Variants in MEIOB observed in about 807,000 individuals in gnomAD.
MEIOB encodes meiosis-specific with OB domain-containing protein.
A neutral mutation model predicts 53.1 loss-of-function variants in MEIOB; 50 were observed. The observed-to-expected ratio is 0.94, with a 90% CI of 0.75 to 1.19. MEIOB has a LOEUF of 1.19. Ranked by LOEUF, MEIOB falls within the 50% of genes most tolerant of loss-of-function variation. The pLI is 0.00. For missense variants in MEIOB, 551 were observed against 550.8 expected, an observed-to-expected ratio of 1.00 and a Z score of 0.00; for synonymous variants, 192 against 182.5, an observed-to-expected ratio of 1.05 and a Z score of -0.42.
chr16:1,847,178 T>G (rs1243671201), intron 9 of MEIOB, among the ~76,000 whole-genome samples: 4 of 150,216 alleles, frequency 2.7e-5, no homozygotes, highest in African/African-American at 7.4e-5. Flanking sequence ...AAGCTATTTT[T>G]GGGCCGGGCG....
rs374490794 is a variant in MEIOB at position 1,857,818 on chromosome 16, C to A, written c.445G>T (p.Asp149Tyr). ...ACAATGTCACCCAGTGAATAATAAT[C>A]ATGAGACTCTTTAACAGGTAAATGT... ...LIHLPVKESHDYYSLGDIVAN... is the reference protein window; with the variant it reads ...LIHLPVKESHYYYSLGDIVAN... The change falls in exon 6 of 14, where the codon GAT becomes TAT. Residue 149 changes from aspartate (D) to tyrosine (Y), a missense_variant. Asp to Tyr is a radical substitution (Grantham distance 160). Transcript: ENST00000325962. 28 of 1,551,732 alleles carry A rather than the reference C, an allele frequency of 1.8e-5. No individual in the cohort carries two copies. The highest frequency in any genetic ancestry group is 2.4e-5 in the Non-Finnish European group (27 of 1,146,852).
In MEIOB at chr16:1,838,209, A is replaced by G. The variant is rs1596962421; in HGVS notation, c.1219-339T>C. The G allele has an allele frequency of 6.8e-6, 3 of 439,570 alleles. No homozygotes were observed. The East Asian group carries it at 9.9e-5, about 15-fold the overall frequency. 27.2% of individuals were successfully genotyped at this position (439,570 alleles called of 1,614,324 possible). On this transcript the variant is annotated intron_variant, in intron 12 of 13. Transcript: ENST00000325962. Reference sequence around the variant, plus strand: ...GAGACAGGGTCTCACTATGTTGCCCAGGGTGATCTTGAACTCCTGGCCTCA... The same window carrying G: ...GAGACAGGGTCTCACTATGTTGCCCGGGGTGATCTTGAACTCCTGGCCTCA...
chr16:1,834,358 T>C lies in MEIOB; in HGVS notation c.1314A>G (p.Leu438=). The change falls in exon 14 of 14, where the codon CTA becomes CTG. Residue 438 remains leucine, a synonymous_variant. Coordinates refer to ENST00000325962, the MANE Select transcript of MEIOB (RefSeq NM_001163560.3). ...TCAATCCACTCCTTGCTCTGTGTGA[T>C]AGAACGAACTGCGAGGAGAAACAGA... The part of the protein sequence containing the change: ...ERSKIYLKFV[L]SHRARSGLKI... 3 of 1,578,682 alleles carry C rather than the reference T, an allele frequency of 1.9e-6. No individual in the cohort carries two copies. The highest frequency in any genetic ancestry group is 2.2e-5 in the East Asian group (1 of 44,678).
chr16:1,856,178 C>T (rs1484425900), intron 6 of MEIOB, among the ~76,000 whole-genome samples: 1 of 134,488 alleles, frequency 7.4e-6, no homozygotes, highest in African/African-American at 2.8e-5. Flanking sequence ...TTTTTTGAGA[C>T]GGAGTCTCGT....
chr16:1,867,886 A>G (rs1198071588), intron 2 of MEIOB, among the ~76,000 whole-genome samples: 1 of 137,904 alleles, frequency 7.3e-6, no homozygotes, highest in East Asian at 2.1e-4. Flanking sequence ...TCAAATCTAC[A>G]ATCATATCTT....
Position 1,839,310 on chromosome 16 carries a change from G to T in MEIOB, c.1163C>A (p.Thr388Asn). 1 of 1,614,180 alleles carries T rather than the reference G, an allele frequency of 6.2e-7. No individual in the cohort carries two copies. The highest frequency in any genetic ancestry group is 8.5e-7 in the Non-Finnish European group (1 of 1,180,034). ...TCCTGTGAGACTACAGGAATGAAGG[G>T]TGCCTGTGTGATCAGTCAGATCAAT... ...VLIDLTDHTGTLHSCSLTGSV... is the reference protein window; with the variant it reads ...VLIDLTDHTGNLHSCSLTGSV... The change falls in exon 12 of 14, where the codon ACC (threonine) becomes AAC (asparagine). Residue 388 changes from threonine to asparagine, a missense_variant. Coordinates refer to ENST00000325962, the MANE Select transcript of MEIOB (RefSeq NM_001163560.3).
chr16:1,834,264 GT>G lies in MEIOB; in HGVS notation c.1407del (p.Lys469AsnfsTer26). 1 of 1,590,310 alleles carries G rather than the reference GT, an allele frequency of 6.3e-7. No homozygotes were observed. Among genetic ancestry groups the G allele is most frequent in the Non-Finnish European group, 8.6e-7 (1 of 1,159,554 alleles). ...CAAAATGATAGACCGTTTTAAACAT[GT>G]TTTTGTCCAGACAAGTTTCTGCTTG... ...TEASRNLSGQ[K>X]HV is the part of the protein sequence containing the mutation. On this transcript the variant is annotated frameshift_variant, in exon 14 of 14. Coordinates refer to ENST00000325962, the MANE Select transcript of MEIOB (RefSeq NM_001163560.3). LOFTEE classifies it high-confidence loss of function.
intron 6 of MEIOB, among the ~76,000 whole-genome samples, chr16:1,855,837 C>T (rs1341536307): frequency 6.6e-6 from 1 of 152,110 alleles, no homozygotes; most frequent in Non-Finnish European, 1.5e-5. Flanking sequence ...AGGGCCCTGC[C>T]ATCTGAAAGG....
At chr16:1,866,203 C>G (rs542875396) in intron 2 of MEIOB, among the ~76,000 whole-genome samples, 12 of 152,264 alleles carry the variant, frequency 7.9e-5, no homozygotes, top group African/African-American at 2.4e-4. Flanking sequence ...CAAAGCTTTC[C>G]TTTATATAGG....
chr16:1,861,922 C>A (rs1899453394), intron 4 of MEIOB, 63 bp downstream of exon 4: 1 of 1,451,640 alleles, frequency 6.9e-7, no homozygotes, highest in Admixed American at 2.2e-5. Flanking sequence ...AGTATAGTTA[C>A]CATAAACATA....
At chr16:1,866,744 TAATAAAAAATA>T (rs1899603877) in intron 2 of MEIOB, among the ~76,000 whole-genome samples, 1 of 48,202 alleles carries the variant, frequency 2.1e-5, no homozygotes, top group Non-Finnish European at 5.1e-5. Flanking sequence ...AAAAAAAAAA[TAATAAAAAATA>T]AAAATGAATA....
At chr16:1,870,362 C>G (rs1899709575) in intron 1 of MEIOB, among the ~76,000 whole-genome samples, 1 of 152,100 alleles carries the variant, frequency 6.6e-6, no homozygotes, top group African/African-American at 2.4e-5. Flanking sequence ...TAAGCTACAC[C>G]AAACAGATTG....
At position 1,852,473 on chromosome 16, in the gene MEIOB, G is replaced by A. The variant is rs538698747; in HGVS notation, c.778+566C>T. ...AAACAGGGTTTCACCATGTTGGCCA[G>A]GATGGTCTCAATCTCTTGACCTCGT... On this transcript the variant is annotated intron_variant, in intron 9 of 13. Coordinates refer to ENST00000325962, the MANE Select transcript of MEIOB (RefSeq NM_001163560.3). 1.2e-4 allele frequency among the ~76,000 whole-genome samples: 18 copies of A among 151,982 alleles called. No homozygotes were observed. In the East Asian group the frequency reaches 3.5e-3, roughly 29 times the overall value.
intron 1 of MEIOB, among the ~76,000 whole-genome samples, chr16:1,871,275 A>G (rs1199943961): frequency 6.7e-6 from 1 of 149,780 alleles, no homozygotes; most frequent in Admixed American, 6.7e-5. Flanking sequence ...GCTGGAGCGC[A>G]GTGGCGCAAT....
intron 4 of MEIOB, 106 bp from the exon 5 acceptor site, chr16:1,860,581 C>A: frequency 3.0e-6 from 2 of 670,978 alleles, no homozygotes; most frequent in South Asian, 1.9e-5. Flanking sequence ...CGACTCTAGG[C>A]TTTAAAAATT....
intron 6 of MEIOB, among the ~76,000 whole-genome samples, chr16:1,856,527 G>A (rs1244900158): frequency 6.6e-6 from 1 of 152,080 alleles, no homozygotes; most frequent in Non-Finnish European, 1.5e-5. Flanking sequence ...CACCGTGTTA[G>A]CCAGGATGGT....
rs936749882 is a variant in MEIOB, at chr16:1,834,140, C to T, written c.*116G>A. On this transcript the variant is annotated 3_prime_UTR_variant, in exon 14 of 14. Coordinates refer to ENST00000325962, the MANE Select transcript of MEIOB (RefSeq NM_001163560.3). ...CCTCCACCATAACAATTTCTAGAAACATGTTCACCACATGTAAACAAAATG... is the reference window on the plus strand; with the variant it reads ...CCTCCACCATAACAATTTCTAGAAATATGTTCACCACATGTAAACAAAATG... The T allele has an allele frequency of 3.5e-5, 22 of 626,692 alleles. No homozygotes were observed. Among genetic ancestry groups the T allele is most frequent in the Admixed American group, 1.2e-4 (4 of 33,530 alleles). The allele number at this position is 626,692 out of a possible 1,614,324, so 38.8% of individuals were successfully genotyped here. A position where few individuals can be genotyped will look rare whatever the true frequency, so the allele number is the denominator to read the frequency against.
chr16:1,861,008 T>A (rs566774997), intron 4 of MEIOB, among the ~76,000 whole-genome samples: 1 of 152,318 alleles, frequency 6.6e-6, no homozygotes, highest in Admixed American at 6.5e-5. Flanking sequence ...AAAAGTTATC[T>A]GTTGAGTGAC....
At chr16:1,866,244 G>C (rs922958880) in intron 2 of MEIOB, among the ~76,000 whole-genome samples, 3 of 152,096 alleles carry the variant, frequency 2.0e-5, no homozygotes, top group African/African-American at 7.2e-5. Context: ...AAATCACTTA[G>C]CTTCTTAATC....
Sources: gnomAD v4.1 joint callset for allele counts (sites outside exome capture counted in the v4.1 genomes callset) on GRCh38, gnomAD v4.1.1 for gene constraint, MANE v1.5 for transcripts, NCBI Gene and HGNC (gene_info 2026-07-23, HGNC 2026-07-21) for gene names.